Variants in NRG3 observed in about 807,000 individuals in gnomAD.
NRG3 encodes the protein neuregulin 3, also known as pro-neuregulin-3, membrane-bound isoform.
In NRG3, 31 loss-of-function variants were observed where a neutral mutation model predicts 66.9. The observed-to-expected ratio is 0.46, with a 90% CI of 0.35 to 0.63. The LOEUF is 0.63. NRG3 is among the 20% of genes least tolerant of loss of function. NRG3 has a pLI of 0.00. For missense variants in NRG3, 910 were observed against 878.9 expected (o/e 1.04, Z -0.45); for synonymous variants, 393 against 359.4 (o/e 1.09, Z -1.06).
intron 1 of NRG3, among the ~76,000 whole-genome samples, chr10:82,267,372 G>T (rs2078352626): frequency 6.6e-6 from 1 of 152,178 alleles, no homozygotes; most frequent in Non-Finnish European, 1.5e-5. Flanking sequence ...ACACACACAG[G>T]CATCCCATCC....
chr10:82,092,995 G>A lies in NRG3; in HGVS notation c.823+216832G>A, dbSNP rs139274755. The stretch of plus-strand genomic sequence containing the variant: ...CCCAGAAGTCTTGGGTCTTCTGCCA[G>A]CATTCATGAAACTGTGGCAGGGTCA... On this transcript the variant is annotated intron_variant, in intron 1 of 8. Coordinates refer to ENST00000372141, the MANE Select transcript of NRG3 (RefSeq NM_001010848.4). Among the ~76,000 whole-genome samples the A allele has an allele frequency of 7.2e-5, 11 of 152,258 alleles. No homozygotes were observed. The East Asian group carries it at 2.1e-3, about 29-fold the overall frequency.
At chr10:82,549,299 T>G (rs1046515191) in intron 2 of NRG3, among the ~76,000 whole-genome samples, 4 of 152,100 alleles carry the variant, frequency 2.6e-5, no homozygotes, top group African/African-American at 9.7e-5. Flanking sequence ...CACAAGAAAT[T>G]TATGACTGAA....
chr10:82,668,896 C>G (rs1262804818), intron 2 of NRG3, among the ~76,000 whole-genome samples: 3 of 152,104 alleles, frequency 2.0e-5, no homozygotes, highest in Non-Finnish European at 2.9e-5. Flanking sequence ...AGTTTAGCCT[C>G]ATGATATTGG....
intron 2 of NRG3, among the ~76,000 whole-genome samples, chr10:82,556,820 GTC>G (rs1276243798): frequency 1.3e-5 from 2 of 152,012 alleles, no homozygotes; most frequent in African/African-American, 4.8e-5. Context: ...AGATCCCAGT[GTC>G]TGTTTTTTCC....
intron 2 of NRG3, among the ~76,000 whole-genome samples, chr10:82,497,323 C>G (rs529837622): frequency 2.0e-5 from 3 of 152,308 alleles, no homozygotes; most frequent in Non-Finnish European, 4.4e-5. Context: ...TTAACATTTT[C>G]ATGTGTGGTG....
intron 3 of NRG3, among the ~76,000 whole-genome samples, chr10:82,760,539 C>T (rs1253792922): frequency 5.3e-5 from 8 of 152,034 alleles, no homozygotes; most frequent in African/African-American, 4.8e-5. Context: ...GTACCACTAT[C>T]GTCTCTGTCA....
At chr10:82,470,828 G>C (rs1841181907) in intron 2 of NRG3, among the ~76,000 whole-genome samples, 1 of 152,262 alleles carries the variant, frequency 6.6e-6, no homozygotes. Context: ...CTTAGTTGAA[G>C]TGAGAGCTTC....
At chr10:81,915,606 A>G (rs1722852974) in intron 1 of NRG3, among the ~76,000 whole-genome samples, 1 of 151,604 alleles carries the variant, frequency 6.6e-6, no homozygotes, top group Non-Finnish European at 1.5e-5. Flanking sequence ...GCTATTTGGC[A>G]TCATTAAATA....
At chr10:82,603,993 A>G (rs1714408367) in intron 2 of NRG3, among the ~76,000 whole-genome samples, 1 of 152,186 alleles carries the variant, frequency 6.6e-6, no homozygotes, top group Admixed American at 6.6e-5. Flanking sequence ...CCCTAACATT[A>G]ACAACTTGTA....
At chr10:82,445,599 T>C (rs961455968) in intron 2 of NRG3, among the ~76,000 whole-genome samples, 5 of 152,180 alleles carry the variant, frequency 3.3e-5, no homozygotes, top group African/African-American at 1.2e-4. Context: ...TTTCTCCCGC[T>C]AAAAACTTGG....
At chr10:82,908,595 C>A (rs1844986361) in intron 4 of NRG3, among the ~76,000 whole-genome samples, 1 of 152,170 alleles carries the variant, frequency 6.6e-6, no homozygotes, top group African/African-American at 2.4e-5. Context: ...AATGAGAACA[C>A]CCACGCTAAC....
At chr10:81,890,467 C>A (rs1181425141) in intron 1 of NRG3, among the ~76,000 whole-genome samples, 1 of 152,196 alleles carries the variant, frequency 6.6e-6, no homozygotes, top group Non-Finnish European at 1.5e-5. Flanking sequence ...TAATGTTAAT[C>A]TGTAGGAAAC....
chr10:82,434,409 C>T (rs761385194), intron 2 of NRG3, among the ~76,000 whole-genome samples: 3 of 152,086 alleles, frequency 2.0e-5, no homozygotes, highest in Non-Finnish European at 4.4e-5. Context: ...GACAACTTGA[C>T]TTCCTCTGTT....
intron 2 of NRG3, among the ~76,000 whole-genome samples, chr10:82,604,241 C>T (rs1341317703): frequency 1.3e-5 from 2 of 152,088 alleles, no homozygotes; most frequent in Non-Finnish European, 2.9e-5. Flanking sequence ...GATATTTTTA[C>T]TATCTACATA....
intron 1 of NRG3, among the ~76,000 whole-genome samples, chr10:82,051,727 C>T (rs1377379371): frequency 6.6e-6 from 1 of 152,018 alleles, no homozygotes; most frequent in African/African-American, 2.4e-5. Flanking sequence ...TATCAACTGT[C>T]CTGTTTATTT....
chr10:82,236,769 G>A lies in NRG3; in HGVS notation c.824-121970G>A, dbSNP rs190817306. On this transcript the variant is annotated intron_variant, in intron 1 of 8. Coordinates refer to ENST00000372141, the MANE Select transcript of NRG3 (RefSeq NM_001010848.4). ...CTCGCTCTGTTGCCCAGGCTGGAGT[G>A]CAGTGGTGCGATCTCCGCCTACTGC... Among the ~76,000 whole-genome samples the A allele has an allele frequency of 5.9e-4, 79 of 133,528 alleles. 1 individual carries two copies. The Middle Eastern group carries it at 0.016, about 27-fold the overall frequency. 87.6% of individuals were successfully genotyped at this position (133,528 alleles called of 152,430 possible). A position where few individuals can be genotyped will look rare whatever the true frequency, so the allele number is the denominator to read the frequency against.
chr10:81,992,979 T>C (rs769494967), intron 1 of NRG3, among the ~76,000 whole-genome samples: 24 of 152,192 alleles, frequency 1.6e-4, no homozygotes, highest in Admixed American at 3.3e-4. Flanking sequence ...AATTACTTTA[T>C]CATGTGTTTT....
intron 2 of NRG3, 50 bp from the exon 3 acceptor site, chr10:82,738,527 A>G (rs59395741): frequency 7.0e-7 from 1 of 1,421,376 alleles, no homozygotes; most frequent in East Asian, 2.3e-5. Context: ...TGAAATCTTA[A>G]GTCTTTCACA....
chr10:82,822,286 G>A (rs2061985184), intron 3 of NRG3, among the ~76,000 whole-genome samples: 1 of 151,968 alleles, frequency 6.6e-6, no homozygotes, highest in African/African-American at 2.4e-5. Context: ...CAGACTACCG[G>A]GAAGCTCCTG....
Sources: allele counts gnomAD v4.1 joint callset (sites outside exome capture counted in the v4.1 genomes callset), GRCh38; gene constraint gnomAD v4.1.1; transcripts MANE v1.5; gene names NCBI Gene and HGNC (gene_info 2026-07-23, HGNC 2026-07-21).